The following LRMDA variants were observed in gnomAD, a reference collection of about 807,000 sequenced individuals.
The protein encoded by LRMDA is leucine-rich melanocyte differentiation-associated protein.
A neutral mutation model predicts 29.8 loss-of-function variants in LRMDA; 18 were observed. The observed-to-expected ratio is 0.60, with a 90% CI of 0.42 to 0.90. LRMDA has a LOEUF of 0.90. Ranked by LOEUF, LRMDA falls within the 40% of genes least tolerant of loss-of-function variation. The pLI is 0.00. For missense variants in LRMDA, 273 were observed against 273.9 expected, an observed-to-expected ratio of 1.00 and a Z score of 0.02; for synonymous variants, 125 against 109.4, an observed-to-expected ratio of 1.14 and a Z score of -0.89.
intron 6 of LRMDA, among the ~76,000 whole-genome samples, chr10:76,429,145 T>A (rs1302012359): frequency 6.7e-6 from 1 of 150,160 alleles, no homozygotes; most frequent in African/African-American, 2.5e-5. Context: ...AACCCCAAAG[T>A]AAAAATGTTG....
intron 2 of LRMDA, among the ~76,000 whole-genome samples, chr10:76,017,228 A>T (rs2132486764): frequency 6.6e-6 from 1 of 152,316 alleles, no homozygotes; most frequent in East Asian, 1.9e-4. Context: ...CGAAGGCCAG[A>T]GTTAGGCTGG....
intron 2 of LRMDA, among the ~76,000 whole-genome samples, chr10:75,777,164 G>A (rs762294716): frequency 1.3e-5 from 2 of 152,180 alleles, no homozygotes; most frequent in African/African-American, 2.4e-5. Flanking sequence ...ACAGGCTGCC[G>A]AGCTGTGCAG....
intron 6 of LRMDA, among the ~76,000 whole-genome samples, chr10:76,346,112 A>G (rs1347026601): frequency 6.6e-6 from 1 of 152,222 alleles, no homozygotes; most frequent in Non-Finnish European, 1.5e-5. Context: ...ACATGCAGAC[A>G]CACACAGAAA....
chr10:76,457,120 A>G (rs1415466055), intron 6 of LRMDA, among the ~76,000 whole-genome samples: 2 of 152,126 alleles, frequency 1.3e-5, no homozygotes, highest in African/African-American at 2.4e-5. Context: ...TCTCTTTACT[A>G]CAGATCAAGA....
intron 5 of LRMDA, among the ~76,000 whole-genome samples, chr10:76,227,792 T>A (rs565471495): frequency 6.6e-6 from 1 of 152,252 alleles, no homozygotes; most frequent in South Asian, 2.1e-4. Context: ...CAGTATTTTT[T>A]ATTAAATACT....
intron 5 of LRMDA, among the ~76,000 whole-genome samples, chr10:76,132,508 T>C (rs1320661323): frequency 6.6e-6 from 1 of 152,164 alleles, no homozygotes; most frequent in Non-Finnish European, 1.5e-5. Flanking sequence ...CAGGGTCACA[T>C]TGGAGTTAAA....
intron 2 of LRMDA, among the ~76,000 whole-genome samples, chr10:75,667,283 G>T (rs1841835233): frequency 1.3e-5 from 2 of 151,668 alleles, no homozygotes. Context: ...CTTTTACTGG[G>T]TGGGACTTAG....
chr10:76,290,024 T>A (rs1840319667), intron 5 of LRMDA, among the ~76,000 whole-genome samples: 1 of 152,210 alleles, frequency 6.6e-6, no homozygotes, highest in African/African-American at 2.4e-5. Context: ...TCAAAATTTT[T>A]AGGACAAGAT....
chr10:75,491,904 A>G (rs1844992499), intron 2 of LRMDA, among the ~76,000 whole-genome samples: 1 of 152,224 alleles, frequency 6.6e-6, no homozygotes, highest in African/African-American at 2.4e-5. Context: ...AAATATTTGT[A>G]ACAACTATGA....
chr10:75,798,907 G>A (rs1382717859), intron 2 of LRMDA, among the ~76,000 whole-genome samples: 4 of 151,998 alleles, frequency 2.6e-5, no homozygotes, highest in African/African-American at 9.7e-5. Context: ...AACTTAAAAA[G>A]AATTTAATTT....
chr10:75,757,059 C>T (rs1432444562), intron 2 of LRMDA, among the ~76,000 whole-genome samples: 6 of 152,182 alleles, frequency 3.9e-5, no homozygotes, highest in African/African-American at 1.2e-4. Context: ...TTTCTGTCTT[C>T]CTGGGGCCCA....
At chr10:76,315,435 G>T (rs927636975) in intron 5 of LRMDA, among the ~76,000 whole-genome samples, 2 of 152,210 alleles carry the variant, frequency 1.3e-5, no homozygotes, top group Non-Finnish European at 2.9e-5. Flanking sequence ...GCCTGCTCCT[G>T]CTCCCGGGCC....
intron 2 of LRMDA, among the ~76,000 whole-genome samples, chr10:76,033,537 C>T (rs1848187413): frequency 6.6e-6 from 1 of 152,094 alleles, no homozygotes; most frequent in Non-Finnish European, 1.5e-5. Flanking sequence ...TGTCGTTTTG[C>T]TTTATGCCTC....
At chr10:76,384,278 T>C (rs1454623052) in intron 6 of LRMDA, among the ~76,000 whole-genome samples, 4 of 152,248 alleles carry the variant, frequency 2.6e-5, no homozygotes, top group South Asian at 2.1e-4. Context: ...TATTAACCAA[T>C]GTATTCATTT....
chr10:75,574,313 G>C (rs1840475810), intron 2 of LRMDA, among the ~76,000 whole-genome samples: 2 of 152,106 alleles, frequency 1.3e-5, no homozygotes, highest in Non-Finnish European at 2.9e-5. Context: ...TAAGATTTTA[G>C]GGGAGAGTTA....
At chr10:76,229,169 C>T (rs866865895) in intron 5 of LRMDA, among the ~76,000 whole-genome samples, 3 of 152,164 alleles carry the variant, frequency 2.0e-5, no homozygotes, top group African/African-American at 4.8e-5. Flanking sequence ...TGGGCGAGAA[C>T]GTCTGTTGAG....
intron 2 of LRMDA, among the ~76,000 whole-genome samples, chr10:75,819,633 G>T (rs997929507): frequency 3.9e-5 from 6 of 152,020 alleles, no homozygotes; most frequent in African/African-American, 1.4e-4. Flanking sequence ...TTGGTGATTG[G>T]CAGGTCATTG....
chr10:75,916,906 T>G (rs1845944155), intron 2 of LRMDA, among the ~76,000 whole-genome samples: 1 of 152,242 alleles, frequency 6.6e-6, no homozygotes, highest in Non-Finnish European at 1.5e-5. Context: ...ATTAGCCTTT[T>G]TAGCCTAGGG....
chr10:75,903,773 A>T (rs754119677), intron 2 of LRMDA, among the ~76,000 whole-genome samples: 2 of 152,200 alleles, frequency 1.3e-5, no homozygotes, highest in Non-Finnish European at 1.5e-5. Context: ...AGTTCAGAAC[A>T]TGTGGGGCCG....
Sources: gnomAD v4.1 joint callset for allele counts (sites outside exome capture counted in the v4.1 genomes callset) on GRCh38, gnomAD v4.1.1 for gene constraint, MANE v1.5 for transcripts, NCBI Gene and HGNC (gene_info 2026-07-23, HGNC 2026-07-21) for gene names.